Variants in PEX7 observed in about 807,000 individuals in gnomAD.
PEX7 encodes PTS2 receptor.
A neutral mutation model predicts 47.5 loss-of-function variants in PEX7; 34 were observed. The observed-to-expected ratio is 0.72, with a 90% CI of 0.54 to 0.95. PEX7 has a LOEUF of 0.95. PEX7 is among the 40% of genes least tolerant of loss of function. PEX7 has a pLI of 0.00. For missense variants in PEX7, 394 were observed against 400.3 expected, an observed-to-expected ratio of 0.98 and a Z score of 0.13; for synonymous variants, 141 against 148.8, an observed-to-expected ratio of 0.95 and a Z score of 0.38.
chr6:136,839,845 A>G (rs6939424), intron 3 of PEX7, among the ~76,000 whole-genome samples: 90,296 of 152,028 alleles, frequency 0.59, 26,813 homozygotes, highest in South Asian at 0.61. Flanking sequence ...GCATGCCCTT[A>G]CCCTCCTGGG....
intron 1 of PEX7, among the ~76,000 whole-genome samples, chr6:136,823,872 A>T (rs1562724805): frequency 6.6e-6 from 1 of 152,232 alleles, no homozygotes; most frequent in South Asian, 2.1e-4. Context: ...CCTGGGCAAG[A>T]AGAGCAAAAC....
intron 1 of PEX7, chr6:136,823,042 T>C (rs1774112396): frequency 1.0e-6 from 1 of 985,438 alleles, no homozygotes. Context: ...TAGTAGCCCG[T>C]GTCCTTGTTC....
At chr6:136,867,229 C>T (rs1775087942) in intron 6 of PEX7, among the ~76,000 whole-genome samples, 1 of 152,074 alleles carries the variant, frequency 6.6e-6, no homozygotes, top group Admixed American at 6.6e-5. Context: ...CTTCAGTTAA[C>T]CACATGAGCG....
intron 7 of PEX7, chr6:136,870,865 T>C: frequency 4.1e-6 from 1 of 242,580 alleles, no homozygotes; most frequent in Non-Finnish European, 8.4e-6. Context: ...CCCGGCTAAT[T>C]TTTTTGTATT....
intron 7 of PEX7, chr6:136,870,598 T>A (rs1386826125): frequency 1.9e-5 from 4 of 210,920 alleles, no homozygotes; most frequent in Non-Finnish European, 3.9e-5. Flanking sequence ...TCTTATTAAG[T>A]GACATCTCCC....
chr6:136,829,127 A>G (rs1021480991), intron 3 of PEX7, among the ~76,000 whole-genome samples: 3 of 152,246 alleles, frequency 2.0e-5, no homozygotes, highest in African/African-American at 7.2e-5. Context: ...GGTTATGTGA[A>G]AAATAAATGA....
At chr6:136,864,667 A>C (rs1459970274) in intron 5 of PEX7, among the ~76,000 whole-genome samples, 1 of 152,234 alleles carries the variant, frequency 6.6e-6, no homozygotes, top group Non-Finnish European at 1.5e-5. Context: ...GAATATAGGA[A>C]AATATATGTA....
chr6:136,888,182 A>G (rs1481643907), intron 8 of PEX7, among the ~76,000 whole-genome samples: 1 of 152,102 alleles, frequency 6.6e-6, no homozygotes, highest in African/African-American at 2.4e-5. Flanking sequence ...CGTTACCAAC[A>G]AAAAAAGGTC....
intron 5 of PEX7, among the ~76,000 whole-genome samples, chr6:136,857,833 T>G (rs1400077921): frequency 3.9e-5 from 6 of 152,006 alleles, no homozygotes; most frequent in Non-Finnish European, 8.8e-5. Flanking sequence ...CATTACCTCT[T>G]TTTTTTTGAG....
rs543169372 is a variant in PEX7, at chr6:136,879,931, AT to A, written c.803+7682del. ...TAATTCTGTGTTTATTTGTGAAATG[AT>A]TTTGCCTTTTTTCTTGTGTTTCTTC... On this transcript the variant is annotated intron_variant, in intron 8 of 9. Coordinates refer to ENST00000318471, the MANE Select transcript of PEX7 (RefSeq NM_000288.4). Among the ~76,000 whole-genome samples the A allele has an allele frequency of 5.3e-5, 8 of 151,530 alleles. 1 individual carries two copies. The South Asian group carries it at 1.7e-3, about 32-fold the overall frequency.
intron 9 of PEX7, among the ~76,000 whole-genome samples, chr6:136,912,058 A>G (rs1775942415): frequency 6.6e-6 from 1 of 151,974 alleles, no homozygotes; most frequent in Admixed American, 6.5e-5. Context: ...GCACTTTTTT[A>G]TGTGCTTACT....
intron 8 of PEX7, among the ~76,000 whole-genome samples, chr6:136,885,043 C>T (rs1775446093): frequency 6.6e-6 from 1 of 152,162 alleles, no homozygotes; most frequent in Admixed American, 6.5e-5. Context: ...CGTGCATAAG[C>T]ATTATTTGAG....
At chr6:136,840,102 A>T (rs182123940) in intron 3 of PEX7, among the ~76,000 whole-genome samples, 47 of 152,344 alleles carry the variant, frequency 3.1e-4, no homozygotes, top group African/African-American at 1.1e-3. Flanking sequence ...TAGAGCTGTC[A>T]GCGTTTTGGC....
chr6:136,892,983 A>G (rs1024302068), intron 8 of PEX7, among the ~76,000 whole-genome samples: 2 of 152,190 alleles, frequency 1.3e-5, no homozygotes, highest in Non-Finnish European at 2.9e-5. Flanking sequence ...CACTGTGGCC[A>G]GAGACACCTT....
chr6:136,862,057 A>ATT (rs1774975609), intron 5 of PEX7, among the ~76,000 whole-genome samples: 4 of 133,442 alleles, frequency 3.0e-5, no homozygotes, highest in African/African-American at 5.8e-5. Context: ...ATATATATAT[A>ATT]TTATATATAT....
chr6:136,829,763 C>T (rs935756654), intron 3 of PEX7, among the ~76,000 whole-genome samples: 3 of 152,070 alleles, frequency 2.0e-5, no homozygotes, highest in African/African-American at 7.2e-5. Context: ...ATGGCGAAAA[C>T]CCCGCCTCTA....
intron 9 of PEX7, among the ~76,000 whole-genome samples, chr6:136,903,345 T>TTC (rs1775786774): frequency 6.7e-6 from 1 of 149,140 alleles, no homozygotes; most frequent in Non-Finnish European, 1.5e-5. Flanking sequence ...TCTTTTTTTT[T>TTC]TTTTTTTTTT....
intron 9 of PEX7, among the ~76,000 whole-genome samples, chr6:136,905,359 C>T (rs1410950186): frequency 6.6e-6 from 1 of 152,190 alleles, no homozygotes; most frequent in Non-Finnish European, 1.5e-5. Context: ...TCCTGTCACA[C>T]TATCAGTAAG....
At chr6:136,839,917 G>A (rs1242359347) in intron 3 of PEX7, among the ~76,000 whole-genome samples, 1 of 152,174 alleles carries the variant, frequency 6.6e-6, no homozygotes, top group Non-Finnish European at 1.5e-5. Context: ...GGTAAGCGCT[G>A]TGAATGTATG....
Sources: allele counts gnomAD v4.1 joint callset (sites outside exome capture counted in the v4.1 genomes callset), GRCh38; gene constraint gnomAD v4.1.1; transcripts MANE v1.5; gene names NCBI Gene and HGNC (gene_info 2026-07-23, HGNC 2026-07-21).